HDLBP: variants seen among roughly 807,000 people sequenced by gnomAD.
HDLBP encodes the protein vigilin.
In HDLBP, 30 loss-of-function variants were observed where a neutral mutation model predicts 137.3. The ratio of observed to expected loss-of-function variants is 0.22; its 90% CI spans 0.16 to 0.30. HDLBP has a LOEUF of 0.30. Ranked by LOEUF, HDLBP falls within the 10% of genes least tolerant of loss-of-function variation. HDLBP has a pLI of 1.00. For missense variants in HDLBP, 1,119 were observed against 1,667.3 expected, an observed-to-expected ratio of 0.67 and a Z score of 5.73; for synonymous variants, 606 against 596.0, an observed-to-expected ratio of 1.02 and a Z score of -0.24.
chr2:241,256,047 C>T, intron 7 of HDLBP, 137 bp downstream of exon 7: 1 of 740,628 alleles, frequency 1.4e-6, no homozygotes, highest in Non-Finnish European at 2.3e-6. Context: ...ACCCGGGTCA[C>T]TCAAGTGTAG....
chr2:241,254,939 T>C, intron 9 of HDLBP, 112 bp downstream of exon 9: 1 of 810,590 alleles, frequency 1.2e-6, no homozygotes, highest in South Asian at 1.5e-5. Flanking sequence ...TTCAGAAAAA[T>C]ACACCAGTTT....
chr2:241,290,332 C>T (rs995440457), intron 1 of HDLBP, among the ~76,000 whole-genome samples: 1 of 152,050 alleles, frequency 6.6e-6, no homozygotes, highest in Non-Finnish European at 1.5e-5. Flanking sequence ...CAGAAGAGGC[C>T]GGGTACAGTG....
chr2:241,263,201 T>G (rs145198589), intron 4 of HDLBP, among the ~76,000 whole-genome samples: 7 of 152,202 alleles, frequency 4.6e-5, no homozygotes, highest in Non-Finnish European at 8.8e-5. Context: ...CAAGAGAGTT[T>G]GAGAGAAAGT....
chr2:241,260,160 C>T (rs182329727), intron 5 of HDLBP, among the ~76,000 whole-genome samples: 395 of 152,244 alleles, frequency 2.6e-3, no homozygotes, highest in Middle Eastern at 0.024. Flanking sequence ...CCCACCGCCA[C>T]GCCTGGCTAA....
intron 1 of HDLBP, among the ~76,000 whole-genome samples, chr2:241,302,439 C>T (rs113324275): frequency 4.5e-4 from 68 of 152,200 alleles, no homozygotes; most frequent in African/African-American, 1.4e-3. Flanking sequence ...CCTAGCTACT[C>T]GGCAGAAGCA....
At chr2:241,305,610 G>A (rs1023892827) in intron 1 of HDLBP, among the ~76,000 whole-genome samples, 25 of 152,192 alleles carry the variant, frequency 1.6e-4, no homozygotes, top group Non-Finnish European at 5.9e-5. Flanking sequence ...ACAACCACCA[G>A]ATGATTGTAG....
intron 16 of HDLBP, among the ~76,000 whole-genome samples, chr2:241,245,502 T>C (rs2071601621): frequency 6.6e-6 from 1 of 152,178 alleles, no homozygotes; most frequent in Admixed American, 6.5e-5. Context: ...AAACTCACTT[T>C]AGTATCATAT....
At chr2:241,237,504 G>A (rs757082481) in intron 20 of HDLBP, among the ~76,000 whole-genome samples, 7 of 152,174 alleles carry the variant, frequency 4.6e-5, no homozygotes, top group East Asian at 3.8e-4. Flanking sequence ...CCAGACAGAC[G>A]CCTGCCTGAA....
chr2:241,309,443 G>A (rs1299914593), intron 1 of HDLBP, among the ~76,000 whole-genome samples: 1 of 152,132 alleles, frequency 6.6e-6, no homozygotes, highest in East Asian at 1.9e-4. Context: ...TACAAATCAC[G>A]AAAGCAAAGA....
intron 1 of HDLBP, among the ~76,000 whole-genome samples, chr2:241,292,036 A>G (rs975823258): frequency 6.6e-6 from 1 of 152,224 alleles, no homozygotes; most frequent in Non-Finnish European, 1.5e-5. Context: ...GGTACAAGCA[A>G]CAAGCAAATG....
chr2:241,232,275 C>CTTTTTT (rs146304027), intron 24 of HDLBP, among the ~76,000 whole-genome samples: 1 of 143,462 alleles, frequency 7.0e-6, no homozygotes, highest in Non-Finnish European at 1.5e-5. Context: ...TAAACAATGA[C>CTTTTTT]TTTTTTTTTT....
rs915911832 is a variant in HDLBP at position 241,230,013 on chromosome 2, T to C, written c.3592-52A>G. The C allele has an allele frequency of 1.3e-6, 2 of 1,566,440 alleles. No individual in the cohort carries two copies. Among genetic ancestry groups the C allele is most frequent in the East Asian group, 4.5e-5 (2 of 44,296 alleles). On this transcript the variant is annotated intron_variant, in intron 26 of 27. Transcript: ENST00000310931. The surrounding 1 kb of genome is among the most constrained non-coding windows in gnomAD (Gnocchi z 5.0). ...GTCAGTCTGCCCAGCACCCCCAGCA[T>C]CCCGCCCGCCTGCTCACCCCTGCAC...
chr2:241,272,842 G>A lies in HDLBP; in HGVS notation c.-102-4301C>T, dbSNP rs1234631244. The A allele has an allele frequency of 2.1e-5, 6 of 288,776 alleles. No individual in the cohort carries two copies. The highest frequency in any genetic ancestry group is 2.6e-5 in the Non-Finnish European group (5 of 193,878). The allele number at this position is 288,776 out of a possible 1,614,324, so 17.9% of individuals were successfully genotyped here. The stretch of plus-strand genomic sequence containing the variant: ...AAGCCGGGACGCTCCGAGGCGCGGC[G>A]CCCGGGCCCCGGCTGCTATATAGGG... On this transcript the variant is annotated intron_variant, in intron 1 of 27. Transcript: ENST00000310931. This position sits in a 1 kb window ranked among gnomAD's most constrained non-coding sequence, Gnocchi z 5.6.
chr2:241,281,069 T>TG lies in HDLBP; in HGVS notation c.-102-12529dup, dbSNP rs967059902. Among the ~76,000 whole-genome samples the TG allele has an allele frequency of 4.6e-5, 7 of 152,170 alleles. No individual in the cohort carries two copies. In the South Asian group the frequency reaches 6.2e-4, roughly 14 times the overall value. ...AATACAATTTATTTTCTTAATAAGA[T>TG]GGGGGGCTGGGCGCGGTGGCTCACG... On this transcript the variant is annotated intron_variant, in intron 1 of 27. Transcript: ENST00000310931.
chr2:241,231,961 G>A (rs114611054), intron 24 of HDLBP, among the ~76,000 whole-genome samples: 5 of 151,972 alleles, frequency 3.3e-5, no homozygotes, highest in African/African-American at 4.8e-5. Context: ...CCATCATCAC[G>A]CAACAGGACT....
Position 241,230,672 on chromosome 2 carries a change from G to A in HDLBP, c.3474+87C>T, listed in dbSNP as rs1172561434. On this transcript the variant is annotated intron_variant, in intron 25 of 27. Coordinates refer to ENST00000310931, the MANE Select transcript of HDLBP (RefSeq NM_005336.6). This position sits in a 1 kb window ranked among gnomAD's most constrained non-coding sequence, Gnocchi z 5.0. ...GGTTGTGGCCTCATCATCTTGAGGG[G>A]AAGGCCATGCCCTGCTCTTTCTTCT... The A allele has an allele frequency of 3.5e-6, 4 of 1,150,756 alleles. No homozygotes were observed. Among genetic ancestry groups the A allele is most frequent in the Non-Finnish European group, 3.8e-6 (3 of 790,594 alleles). 71.3% of individuals were successfully genotyped at this position (1,150,756 alleles called of 1,614,324 possible). A position where few individuals can be genotyped will look rare whatever the true frequency, so the allele number is the denominator to read the frequency against.
At chr2:241,236,972 G>A (rs2070570049) in intron 20 of HDLBP, among the ~76,000 whole-genome samples, 1 of 35,022 alleles carries the variant, frequency 2.9e-5, no homozygotes, top group Admixed American at 2.4e-4. Flanking sequence ...AGGGCTCCCA[G>A]ACCTTGGGGG....
chr2:241,274,241 C>T (rs577435734), intron 1 of HDLBP, among the ~76,000 whole-genome samples: 1 of 152,228 alleles, frequency 6.6e-6, no homozygotes, highest in East Asian at 1.9e-4. Context: ...AAATACCATG[C>T]ACTTCATGAC....
At chr2:241,310,037 A>G (rs2075714814) in intron 1 of HDLBP, among the ~76,000 whole-genome samples, 1 of 152,240 alleles carries the variant, frequency 6.6e-6, no homozygotes, top group African/African-American at 2.4e-5. Flanking sequence ...ATAGCCCAGA[A>G]AAGGCTGACA....
Sources: allele counts gnomAD v4.1 joint callset (sites outside exome capture counted in the v4.1 genomes callset), GRCh38; gene constraint gnomAD v4.1.1; non-coding constraint Gnocchi (gnomAD v3.1); transcripts MANE v1.5; gene names NCBI Gene and HGNC (gene_info 2026-07-23, HGNC 2026-07-21).